BAIAP3: variants seen among roughly 807,000 people sequenced by gnomAD.
BAIAP3 encodes BAI1 associated protein 3, also known as BAI1-associated protein 3.
BAIAP3 carries 180 observed loss-of-function variants against 149.7 expected under a neutral mutation model. That is an observed-to-expected ratio of 1.20 (90% CI 1.07 to 1.36). BAIAP3 has a LOEUF of 1.36. Among genes scored for constraint, BAIAP3 ranks in the 40% most tolerant of loss-of-function variants. The pLI is 0.00. For synonymous variants in BAIAP3, 845 were observed against 670.7 expected (o/e 1.26, Z -4.02); for missense variants, 1,767 against 1,563.4 (o/e 1.13, Z -2.20).
intron 1 of BAIAP3, among the ~76,000 whole-genome samples, chr16:1,337,458 C>T (rs1176153020): frequency 6.6e-6 from 1 of 152,210 alleles, no homozygotes; most frequent in South Asian, 2.1e-4. Context: ...GCGGAGGTTG[C>T]GGTGAGCGGA....
chr16:1,333,942 A>T (rs979963650), intron 1 of BAIAP3, among the ~76,000 whole-genome samples, 193 bp downstream of exon 1: 22 of 151,734 alleles, frequency 1.4e-4, no homozygotes, highest in African/African-American at 5.3e-4. Context: ...GAGGCCGCGC[A>T]TGCTTGGAGG....
At chr16:1,343,895 T>G (rs1596578292) in intron 15 of BAIAP3, 127 bp from the exon 16 acceptor site, 3 of 1,439,994 alleles carry the variant, frequency 2.1e-6, no homozygotes, top group East Asian at 2.3e-5. Context: ...CTGTGGAGGG[T>G]GCTGCTCAGA....
Position 1,349,384 on chromosome 16 carries a change from T to G in BAIAP3, c.*902T>G, listed in dbSNP as rs73485682. On this transcript the variant is annotated 3_prime_UTR_variant, in exon 34 of 34. Transcript: ENST00000426824. Reference sequence around the variant, plus strand: ...CTGCCAGGCCCATTTATGTCCCTCATGTCTCTAGATTTTCTCGTCACCCAG... The same window carrying G: ...CTGCCAGGCCCATTTATGTCCCTCAGGTCTCTAGATTTTCTCGTCACCCAG... 5.5e-5 allele frequency: 88 copies of G among 1,603,326 alleles called. No homozygotes were observed. The highest frequency in any genetic ancestry group is 6.7e-5 in the Non-Finnish European group (79 of 1,171,076).
chr16:1,343,893 G>A (rs2034111974), intron 15 of BAIAP3, 129 bp from the exon 16 acceptor site: 2 of 1,415,682 alleles, frequency 1.4e-6, no homozygotes, highest in Non-Finnish European at 1.9e-6. Flanking sequence ...GCCTGTGGAG[G>A]GTGCTGCTCA....
intron 14 of BAIAP3, 103 bp downstream of exon 14, chr16:1,343,119 G>C: frequency 8.3e-7 from 1 of 1,210,488 alleles, no homozygotes; most frequent in Non-Finnish European, 1.2e-6. Flanking sequence ...GGGAGGGTGG[G>C]GCAGGGAAAG....
chr16:1,343,965 T>C (rs923255183), intron 15 of BAIAP3, 57 bp from the exon 16 acceptor site: 12 of 1,602,730 alleles, frequency 7.5e-6, no homozygotes, highest in Non-Finnish European at 1.0e-5. Context: ...GGGAGGATGT[T>C]TCTCCTCATC....
chr16:1,339,410 G>T, intron 4 of BAIAP3, 86 bp from the exon 5 acceptor site: 1 of 1,485,068 alleles, frequency 6.7e-7, no homozygotes, highest in Non-Finnish European at 9.2e-7. Flanking sequence ...GGCAGAGGTG[G>T]GGCCTGGGCT....
At chr16:1,344,194 C>G (rs764165313) in intron 16 of BAIAP3, 33 bp from the exon 17 acceptor site, 1 of 1,612,564 alleles carries the variant, frequency 6.2e-7, no homozygotes, top group South Asian at 1.1e-5. Flanking sequence ...GCTGGCAGGG[C>G]AGGCCCCACG....
chr16:1,344,623 G>C lies in BAIAP3; in HGVS notation c.1682G>C (p.Gly561Ala), dbSNP rs1417234902. The C allele has an allele frequency of 6.2e-7, 1 of 1,613,338 alleles. No individual in the cohort carries two copies. The highest frequency in any genetic ancestry group is 2.2e-5 in the East Asian group (1 of 44,878). The change falls in exon 19 of 34, where the codon GGG becomes GCG. Residue 561 changes from glycine to alanine, a missense_variant. Physicochemically the swap from Gly to Ala is moderately conservative, Grantham distance 60. Transcript: ENST00000426824. ...REQPGPQRLP[G>A]LVVLADAVYD... ...CAGCCAGGACCACAGCGCCTGCCTGGGCTGGTTGTGCTGGCTGACGCCGTC... is the reference window on the plus strand; with the variant it reads ...CAGCCAGGACCACAGCGCCTGCCTGCGCTGGTTGTGCTGGCTGACGCCGTC...
chr16:1,339,275 C>T (rs760963108), intron 4 of BAIAP3, 31 bp downstream of exon 4: 8 of 1,548,162 alleles, frequency 5.2e-6, no homozygotes, highest in South Asian at 3.6e-5. Flanking sequence ...CAGGGGCAGT[C>T]GTCTGCAGCG....
chr16:1,343,886 T>C (rs1286305512), intron 15 of BAIAP3, 136 bp from the exon 16 acceptor site: 6 of 1,376,306 alleles, frequency 4.4e-6, no homozygotes, highest in Admixed American at 2.1e-5. Context: ...CGACTGGGCC[T>C]GTGGAGGGTG....
intron 14 of BAIAP3, 146 bp downstream of exon 14, chr16:1,343,162 T>G: frequency 3.7e-6 from 4 of 1,090,100 alleles, no homozygotes; most frequent in African/African-American, 1.6e-5. Flanking sequence ...CTGCGCTGAT[T>G]GGGCGGGAAG....
rs775474793 is a variant in BAIAP3, at chr16:1,347,757, G to A, written c.2961G>A (p.Ala987=). Residue 987 remains alanine, a synonymous_variant, in exon 31 of 34, where the codon GCG becomes GCA. Coordinates refer to ENST00000426824, the MANE Select transcript of BAIAP3 (RefSeq NM_001199097.2). Reference sequence around the variant, plus strand: ...TGAGCGTCCGTTGCCATTACGAGGCGGCTGAGCAGCGGCTGGCCGTGGAGG... The same window carrying A: ...TGAGCGTCCGTTGCCATTACGAGGCAGCTGAGCAGCGGCTGGCCGTGGAGG... ...GRLSVRCHYE[A]AEQRLAVEVL... 3.2e-5 allele frequency: 51 copies of A among 1,609,660 alleles called. No homozygotes were observed. Among genetic ancestry groups the A allele is most frequent in the South Asian group, 1.4e-4 (13 of 90,992 alleles).
intron 4 of BAIAP3, 36 bp from the exon 5 acceptor site, chr16:1,339,460 G>A (rs756899333): frequency 3.2e-6 from 5 of 1,578,206 alleles, no homozygotes; most frequent in South Asian, 1.1e-5. Context: ...GGGGGCCTGG[G>A]ACGCGGCACT....
In BAIAP3 at chr16:1,339,229, C is replaced by T. The variant is rs1391351384; in HGVS notation, c.285C>T (p.Ala95=). The T allele has an allele frequency of 6.4e-7, 1 of 1,564,532 alleles. No homozygotes were observed. Among genetic ancestry groups the T allele is most frequent in the Non-Finnish European group, 8.6e-7 (1 of 1,156,722 alleles). The change falls in exon 4 of 34, where the codon GCC becomes GCT. Residue 95 remains alanine, a synonymous_variant. Coordinates refer to ENST00000426824, the MANE Select transcript of BAIAP3 (RefSeq NM_001199097.2). Reference sequence around the variant, plus strand: ...TGGATCCCAGCCTCGGCCTGAGAGCCCTGGCCCCAGAGGAGGTAAAGGTGG... The same window carrying T: ...TGGATCCCAGCCTCGGCCTGAGAGCTCTGGCCCCAGAGGAGGTAAAGGTGG... ...EPVDPSLGLR[A]LAPEEVEMLY...
At position 1,343,315 on chromosome 16, in the gene BAIAP3, G is replaced by A. The variant is rs2034063308; in HGVS notation, c.1266-78G>A. ...GCTGATTGGGTGGGGCAGAGAAAGG[G>A]GTAGTGCTGTAGGCGGTGCTGAGTG... On this transcript the variant is annotated intron_variant, in intron 14 of 33. Coordinates refer to ENST00000426824, the MANE Select transcript of BAIAP3 (RefSeq NM_001199097.2). The A allele has an allele frequency of 4.6e-6, 7 of 1,528,392 alleles. No homozygotes were observed. In the Admixed American group the frequency reaches 9.9e-5, roughly 22 times the overall value. 94.7% of individuals were successfully genotyped at this position (1,528,392 alleles called of 1,614,324 possible).
chr16:1,341,752 G>A, intron 8 of BAIAP3, 70 bp from the exon 9 acceptor site: 1 of 1,519,750 alleles, frequency 6.6e-7, no homozygotes, highest in East Asian at 2.3e-5. Flanking sequence ...TGCTGCTTCT[G>A]GACTCCCTGA....
At position 1,349,213 on chromosome 16, in the gene BAIAP3, A is replaced by G. The variant is rs1238264469; in HGVS notation, c.*731A>G. The G allele has an allele frequency of 8.4e-6, 5 of 594,676 alleles. No individual in the cohort carries two copies. The highest frequency in any genetic ancestry group is 3.9e-4 in the Middle Eastern group (1 of 2,558). 36.8% of individuals were successfully genotyped at this position (594,676 alleles called of 1,614,324 possible). A position where few individuals can be genotyped will look rare whatever the true frequency, so the allele number is the denominator to read the frequency against. The stretch of plus-strand genomic sequence containing the variant: ...TTCGCCCCAACCCTTCCCCAGGCCC[A>G]GTGTGAAAAACAGACTCACAAGGGG... On this transcript the variant is annotated 3_prime_UTR_variant, in exon 34 of 34. Coordinates refer to ENST00000426824, the MANE Select transcript of BAIAP3 (RefSeq NM_001199097.2).
In BAIAP3 at chr16:1,347,912, T is replaced by G. The variant is rs754039791; in HGVS notation, c.3044T>G (p.Val1015Gly). The G allele has an allele frequency of 6.2e-7, 1 of 1,612,022 alleles. No individual in the cohort carries two copies. The highest frequency in any genetic ancestry group is 1.1e-5 in the South Asian group (1 of 91,086). Reference protein sequence around the residue: ...LDANGLSDPFVIVELGPPHLF... With the variant: ...LDANGLSDPFGIVELGPPHLF... ...CCTGCAGGCTTAAGTGACCCCTTTG[T>G]GATCGTGGAGCTGGGCCCACCGCAT... The change falls in exon 32 of 34, where the codon GTG becomes GGG. Residue 1015 changes from valine (V) to glycine (G), a missense_variant. Transcript: ENST00000426824.
Sources: gnomAD v4.1 joint callset for allele counts (sites outside exome capture counted in the v4.1 genomes callset) on GRCh38, gnomAD v4.1.1 for gene constraint, MANE v1.5 for transcripts, NCBI Gene and HGNC (gene_info 2026-07-23, HGNC 2026-07-21) for gene names.